Variants in PRKACB observed in about 807,000 individuals in gnomAD.
The protein encoded by PRKACB is cAMP-dependent protein kinase catalytic subunit beta.
PRKACB carries 16 observed loss-of-function variants against 51.4 expected under a neutral mutation model. That is an observed-to-expected ratio of 0.31 (90% CI 0.21 to 0.47). The LOEUF (loss-of-function observed/expected upper bound fraction) is 0.47, where lower values mean the gene tolerates loss of function less well. Ranked by LOEUF, PRKACB falls within the 20% of genes least tolerant of loss-of-function variation. The pLI is 1.00. For missense variants in PRKACB, 309 were observed against 464.5 expected (o/e 0.67, Z 3.08); for synonymous variants, 147 against 154.4 (o/e 0.95, Z 0.35).
chr1:84,177,967 C>T (rs1344023848), intron 1 of PRKACB, among the ~76,000 whole-genome samples: 1 of 151,924 alleles, frequency 6.6e-6, no homozygotes, highest in Non-Finnish European at 1.5e-5. Context: ...ATACAAAGGA[C>T]AGTTTATAGA....
upstream of PRKACB, among the ~76,000 whole-genome samples, chr1:84,143,724 T>G (rs1009704817): frequency 6.6e-6 from 1 of 152,200 alleles, no homozygotes; most frequent in Admixed American, 6.5e-5. Flanking sequence ...ACATACTAAG[T>G]GTATGTAGTT....
intron 1 of PRKACB, among the ~76,000 whole-genome samples, chr1:84,114,993 AAC>A: frequency 6.6e-6 from 1 of 152,308 alleles, no homozygotes; most frequent in South Asian, 2.1e-4. Flanking sequence ...TGCTGCAGTA[AAC>A]ACACAAGTGC....
chr1:84,167,307 A>T (rs138690789), intron 1 of PRKACB, among the ~76,000 whole-genome samples: 2 of 151,568 alleles, frequency 1.3e-5, no homozygotes, highest in Non-Finnish European at 3.0e-5. Context: ...TAAAAGTTAA[A>T]CTCCTTATTA....
At chr1:84,222,760 A>G (rs1178686430) in intron 9 of PRKACB, among the ~76,000 whole-genome samples, 1 of 152,092 alleles carries the variant, frequency 6.6e-6, no homozygotes, top group Non-Finnish European at 1.5e-5. Flanking sequence ...TTTTGAAGAA[A>G]GGTTTCTTGG....
chr1:84,148,105 A>G lies in PRKACB; in HGVS notation c.187+3557A>G, dbSNP rs534850396. ...TAACGCTTTTGACGTGACAGTCAGC[A>G]TGGCAATGAATAGTCAGATAATGGA... On this transcript the variant is annotated intron_variant, in intron 1 of 9. Transcript: ENST00000370685. Among the ~76,000 whole-genome samples the G allele has an allele frequency of 1.4e-3, 206 of 152,298 alleles. 1 individual carries two copies. The highest frequency in any genetic ancestry group is 3.4e-3 in the Middle Eastern group (1 of 294).
At chr1:84,185,863 A>C (rs1274663778) in intron 5 of PRKACB, among the ~76,000 whole-genome samples, 2 of 152,196 alleles carry the variant, frequency 1.3e-5, no homozygotes, top group African/African-American at 4.8e-5. Context: ...AGTGTGTTGA[A>C]GTCAAAATAA....
intron 1 of PRKACB, among the ~76,000 whole-genome samples, chr1:84,114,706 C>T (rs1650494495): frequency 1.3e-5 from 2 of 152,094 alleles, no homozygotes; most frequent in South Asian, 4.1e-4. Context: ...TCAGCCTTCC[C>T]AGTCTCTGCT....
intron 8 of PRKACB, chr1:84,205,289 A>G: frequency 1.0e-6 from 1 of 976,202 alleles, no homozygotes; most frequent in Non-Finnish European, 1.2e-6. Flanking sequence ...ATCTGTTTCA[A>G]AACTCAAATT....
chr1:84,172,644 G>T (rs747309147), intron 1 of PRKACB, among the ~76,000 whole-genome samples: 61 of 151,572 alleles, frequency 4.0e-4, no homozygotes, highest in Non-Finnish European at 2.1e-4. Flanking sequence ...TTAAATATAT[G>T]TCTCATTAAA....
At chr1:84,103,420 A>C (rs1390188975) in intron 1 of PRKACB, among the ~76,000 whole-genome samples, 1 of 117,732 alleles carries the variant, frequency 8.5e-6, no homozygotes, top group Admixed American at 1.1e-4. Flanking sequence ...AGACAGAGAG[A>C]TGGGGTGTGG....
intron 1 of PRKACB, among the ~76,000 whole-genome samples, chr1:84,134,806 A>T (rs956115452): frequency 2.0e-5 from 3 of 152,150 alleles, no homozygotes; most frequent in African/African-American, 7.2e-5. Context: ...AAAAAACGAA[A>T]CTTAGTTTAG....
chr1:84,205,205 A>G, intron 8 of PRKACB: 2 of 984,780 alleles, frequency 2.0e-6, no homozygotes, highest in African/African-American at 1.7e-5. Flanking sequence ...AGAAGTCATG[A>G]AAGTGGAATT....
chr1:84,107,552 A>C (rs765050660), intron 1 of PRKACB, among the ~76,000 whole-genome samples: 42 of 152,054 alleles, frequency 2.8e-4, no homozygotes, highest in Non-Finnish European at 5.1e-4. Context: ...ACAACCTACA[A>C]AAATATTTTC....
At position 84,155,147 on chromosome 1, in the gene PRKACB, C is replaced by CA. The variant is rs529403822; in HGVS notation, c.187+10606dup. Among the ~76,000 whole-genome samples the CA allele has an allele frequency of 6.0e-4, 91 of 151,786 alleles. 1 individual carries two copies. In the South Asian group the frequency reaches 0.018, roughly 30 times the overall value. On this transcript the variant is annotated intron_variant, in intron 1 of 9. Coordinates refer to ENST00000370685, the MANE Select transcript of PRKACB (RefSeq NM_182948.4). Reference sequence around the variant, plus strand: ...ATATTAAAGACCCTGAAGACTCTACCAAAAAAACTGTTAAAACTAACAAAT... The same window carrying CA: ...ATATTAAAGACCCTGAAGACTCTACCAAAAAAAACTGTTAAAACTAACAAAT...
chr1:84,138,492 ACT>A (rs1330196456), intron 1 of PRKACB, among the ~76,000 whole-genome samples: 2 of 152,276 alleles, frequency 1.3e-5, no homozygotes, highest in Non-Finnish European at 2.9e-5. Flanking sequence ...ACTCAGTAAT[ACT>A]CTGTTTATTG....
chr1:84,216,258 G>T (rs969398870), intron 9 of PRKACB, among the ~76,000 whole-genome samples: 10 of 152,118 alleles, frequency 6.6e-5, no homozygotes, highest in African/African-American at 1.7e-4. Flanking sequence ...AAGATCACTT[G>T]AGCCTGGGAG....
At chr1:84,180,183 G>GAGATATATATATAT (rs1662810350) in intron 2 of PRKACB, among the ~76,000 whole-genome samples, 1 of 32,062 alleles carries the variant, frequency 3.1e-5, no homozygotes, top group African/African-American at 7.2e-5. Context: ...AAGAAACTGT[G>GAGATATATATATAT]ATATATATAT....
intron 8 of PRKACB, chr1:84,204,561 G>C (rs1005991594): frequency 1.5e-5 from 24 of 1,574,952 alleles, no homozygotes; most frequent in Non-Finnish European, 2.0e-5. Context: ...AATTTGAGAA[G>C]TGTAGACTCT....
intron 1 of PRKACB, among the ~76,000 whole-genome samples, chr1:84,078,533 A>G (rs1647268952): frequency 6.6e-6 from 1 of 152,152 alleles, no homozygotes; most frequent in Non-Finnish European, 1.5e-5. Flanking sequence ...TTTCTCCTCC[A>G]TTCCGACCCC....
Sources: allele counts gnomAD v4.1 joint callset (sites outside exome capture counted in the v4.1 genomes callset), GRCh38; gene constraint gnomAD v4.1.1; transcripts MANE v1.5; gene names NCBI Gene and HGNC (gene_info 2026-07-23, HGNC 2026-07-21).